The following EPB41L1 variants were observed in gnomAD, a reference collection of about 807,000 sequenced individuals.
The protein encoded by EPB41L1 is erythrocyte membrane protein band 4.1 like 1.
EPB41L1 carries 29 observed loss-of-function variants against 97.8 expected under a neutral mutation model. That is an observed-to-expected ratio of 0.30 (90% CI 0.22 to 0.40). EPB41L1 has a LOEUF of 0.40. EPB41L1 is among the 10% of genes least tolerant of loss of function. EPB41L1 has a pLI of 1.00. For synonymous variants in EPB41L1, 383 were observed against 459.2 expected, an observed-to-expected ratio of 0.83 and a Z score of 2.12; for missense variants, 812 against 1,162.3, an observed-to-expected ratio of 0.70 and a Z score of 4.38.
At chr20:36,102,037 AAAAAAAAC>A (rs2058035659) in intron 1 of EPB41L1, among the ~76,000 whole-genome samples, 1 of 147,612 alleles carries the variant, frequency 6.8e-6, no homozygotes, top group Non-Finnish European at 1.5e-5. Flanking sequence ...AAAACAAAAC[AAAAAAAAC>A]AAAAAAACCC....
At chr20:36,124,147 C>T (rs541929553) in intron 2 of EPB41L1, among the ~76,000 whole-genome samples, 11 of 152,040 alleles carry the variant, frequency 7.2e-5, no homozygotes, top group South Asian at 2.1e-4. Flanking sequence ...CCCAGCTACT[C>T]GGGAGGCTGA....
intron 1 of EPB41L1, among the ~76,000 whole-genome samples, chr20:36,169,002 T>C (rs1600710393): frequency 6.6e-6 from 1 of 150,940 alleles, no homozygotes; most frequent in Admixed American, 6.6e-5. Context: ...CCAAGGCGGG[T>C]GGATCACAAA....
At chr20:36,118,328 A>C (rs2147649377) in intron 2 of EPB41L1, among the ~76,000 whole-genome samples, 1 of 152,100 alleles carries the variant, frequency 6.6e-6, no homozygotes, top group Non-Finnish European at 1.5e-5. Context: ...ACTGCACTCC[A>C]GCCTGGACTA....
intron 2 of EPB41L1, among the ~76,000 whole-genome samples, chr20:36,120,060 G>T (rs2058704460): frequency 6.6e-6 from 1 of 152,080 alleles, no homozygotes; most frequent in Non-Finnish European, 1.5e-5. Context: ...TGCTGTTCTG[G>T]CCTTCAGCTG....
intron 1 of EPB41L1, among the ~76,000 whole-genome samples, chr20:36,100,537 C>G (rs151253901): frequency 2.0e-4 from 30 of 152,248 alleles, no homozygotes; most frequent in Non-Finnish European, 3.8e-4. Flanking sequence ...GCTTTACATG[C>G]CTTATGTCTT....
chr20:36,102,017 A>AGAACAAAAC (rs2058033092), intron 1 of EPB41L1, among the ~76,000 whole-genome samples: 1 of 148,824 alleles, frequency 6.7e-6, no homozygotes, highest in East Asian at 2.0e-4. Flanking sequence ...AAAACAAAAC[A>AGAACAAAAC]AAACAAAACA....
upstream of EPB41L1, among the ~76,000 whole-genome samples, chr20:36,153,555 T>C (rs967054991): frequency 6.6e-6 from 1 of 152,082 alleles, no homozygotes; most frequent in Non-Finnish European, 1.5e-5. Context: ...GGGTTCGCGG[T>C]CATATGGGTT....
chr20:36,117,651 C>A (rs1014516315), intron 2 of EPB41L1, among the ~76,000 whole-genome samples: 1 of 134,100 alleles, frequency 7.5e-6, no homozygotes, highest in African/African-American at 3.6e-5. Flanking sequence ...AGTAACTTCT[C>A]CAAGGTTACA....
chr20:36,179,441 G>A (rs2061384731), intron 5 of EPB41L1, among the ~76,000 whole-genome samples: 1 of 152,260 alleles, frequency 6.6e-6, no homozygotes, highest in Non-Finnish European at 1.5e-5. Flanking sequence ...GCCAGGTCTT[G>A]AGGCCTGGTC....
At chr20:36,134,338 C>T (rs962792307) in intron 2 of EPB41L1, among the ~76,000 whole-genome samples, 9 of 152,196 alleles carry the variant, frequency 5.9e-5, no homozygotes, top group African/African-American at 2.2e-4. Context: ...CACTGGCTCA[C>T]GCTGTGAACT....
chr20:36,198,392 C>T (rs1035530388), intron 14 of EPB41L1, among the ~76,000 whole-genome samples: 5 of 152,216 alleles, frequency 3.3e-5, no homozygotes, highest in Non-Finnish European at 5.9e-5. Context: ...TCAGTGCTGG[C>T]ATCGGCATCT....
chr20:36,143,137 T>TTGTGTG lies in EPB41L1; in HGVS notation c.-10+30697_-10+30702dup, dbSNP rs59256378. The stretch of plus-strand genomic sequence containing the variant: ...TGTGGCTATGTGAGGGAGGGTGTGT[T>TTGTGTG]TGTGTGTGTGTGTGTGTGTGTGTGT... On this transcript the variant is annotated intron_variant, in intron 2 of 19. Coordinates refer to the EPB41L1 transcript ENST00000202028. 3.8e-3 allele frequency among the ~76,000 whole-genome samples: 500 copies of TTGTGTG among 130,804 alleles called. 2 individuals are homozygous for TTGTGTG. The highest frequency in any genetic ancestry group is 9.1e-3 in the African/African-American group (324 of 35,492). 85.8% of individuals were successfully genotyped at this position (130,804 alleles called of 152,430 possible).
Position 36,231,443 on chromosome 20 carries a change from G to A in EPB41L1, c.*2103G>A, listed in dbSNP as rs1161617585. On this transcript the variant is annotated 3_prime_UTR_variant, in exon 22 of 22. Transcript: ENST00000338074. ...AGGCTGAAGAAGGTGGGAGGGGAGGGCGGAACCTGAGGAGCCACCTGAGCC... is the reference window on the plus strand; with the variant it reads ...AGGCTGAAGAAGGTGGGAGGGGAGGACGGAACCTGAGGAGCCACCTGAGCC... 1.3e-5 allele frequency: 2 copies of A among 152,266 alleles called. No homozygotes were observed. The highest frequency in any genetic ancestry group is 4.8e-5 in the African/African-American group (2 of 41,456). The allele number at this position is 152,266 out of a possible 1,614,324, so 9.4% of individuals were successfully genotyped here. A position where few individuals can be genotyped will look rare whatever the true frequency, so the allele number is the denominator to read the frequency against.
chr20:36,140,239 T>G (rs1383905710), intron 2 of EPB41L1, among the ~76,000 whole-genome samples: 8 of 150,782 alleles, frequency 5.3e-5, no homozygotes, highest in Non-Finnish European at 8.9e-5. Flanking sequence ...ATGTTTTTTT[T>G]TTTTTTTTTT....
chr20:36,207,541 G>T lies in EPB41L1; in HGVS notation c.1669-1947G>T. On this transcript the variant is annotated intron_variant, in intron 14 of 21. Coordinates refer to ENST00000338074, the MANE Select transcript of EPB41L1 (RefSeq NM_012156.2). The surrounding 1 kb of genome is among the most constrained non-coding windows in gnomAD (Gnocchi z 4.9). Reference sequence around the variant, plus strand: ...CCTTCCAAATGACGTATCTTCAGAGGCACCCGTGGGACAAGCAGAGCAGCA... The same window carrying T: ...CCTTCCAAATGACGTATCTTCAGAGTCACCCGTGGGACAAGCAGAGCAGCA... The T allele has an allele frequency of 7.8e-7, 1 of 1,289,900 alleles. No individual in the cohort carries two copies. Among genetic ancestry groups the T allele is most frequent in the Non-Finnish European group, 1.0e-6 (1 of 988,884 alleles). 79.9% of individuals were successfully genotyped at this position (1,289,900 alleles called of 1,614,324 possible). A position where few individuals can be genotyped will look rare whatever the true frequency, so the allele number is the denominator to read the frequency against.
In EPB41L1 at chr20:36,212,264, T is replaced by C; in HGVS notation, c.2080-8T>C. The C allele has an allele frequency of 6.2e-7, 1 of 1,614,028 alleles. No homozygotes were observed. The highest frequency in any genetic ancestry group is 1.1e-5 in the South Asian group (1 of 91,084). On this transcript the variant is annotated splice_region_variant and splice_polypyrimidine_tract_variant and intron_variant, in intron 15 of 21. Coordinates refer to ENST00000338074, the MANE Select transcript of EPB41L1 (RefSeq NM_012156.2). This position sits in a 1 kb window ranked among gnomAD's most constrained non-coding sequence, Gnocchi z 4.8. ...AGTTACAGAGCATTCTCCCTCCTTT[T>C]CCTACAGCCCGTGAAAACAGAAACC... is the stretch of plus-strand genomic sequence containing the variant.
intron 14 of EPB41L1, chr20:36,205,708 C>A: frequency 1.2e-6 from 1 of 829,714 alleles, no homozygotes; most frequent in African/African-American, 1.8e-5. Flanking sequence ...CTTCCTCTCC[C>A]CAGCCAGTTC....
intron 1 of EPB41L1, among the ~76,000 whole-genome samples, chr20:36,164,269 G>A (rs2060647305): frequency 1.3e-5 from 2 of 152,218 alleles, no homozygotes; most frequent in African/African-American, 4.8e-5. Context: ...TGCACATGGA[G>A]ACTAACAACC....
At chr20:36,153,705 T>A (rs1167210495), upstream of EPB41L1, among the ~76,000 whole-genome samples, 1 of 152,132 alleles carries the variant, frequency 6.6e-6, no homozygotes, top group African/African-American at 2.4e-5. Context: ...GCCCAGAGCA[T>A]GGAACAACTT....
Sources: gnomAD v4.1 joint callset for allele counts (sites outside exome capture counted in the v4.1 genomes callset) on GRCh38, gnomAD v4.1.1 for gene constraint, Gnocchi (gnomAD v3.1) non-coding constraint, MANE v1.5 for transcripts, NCBI Gene and HGNC (gene_info 2026-07-23, HGNC 2026-07-21) for gene names.